The following GULP1 variants were observed in gnomAD, a reference collection of about 807,000 sequenced individuals.
The protein encoded by GULP1 is PTB domain-containing engulfment adapter protein 1.
A neutral mutation model predicts 40.9 loss-of-function variants in GULP1; 19 were observed. The observed-to-expected ratio is 0.46, with a 90% CI of 0.32 to 0.68. The LOEUF is 0.68. GULP1 is among the 30% of genes least tolerant of loss of function. The pLI, the probability that GULP1 is intolerant of heterozygous loss-of-function variation, is 0.03. For synonymous variants in GULP1, 119 were observed against 117.6 expected (o/e 1.01, Z -0.08); for missense variants, 312 against 362.2 (o/e 0.86, Z 1.12).
At chr2:188,488,238 T>C (rs986255148) in intron 4 of GULP1, among the ~76,000 whole-genome samples, 1 of 152,054 alleles carries the variant, frequency 6.6e-6, no homozygotes, top group Non-Finnish European at 1.5e-5. Flanking sequence ...TATAGCCATA[T>C]AGTTGCTGCA....
chr2:188,536,961 A>G (rs1340631165), intron 6 of GULP1, among the ~76,000 whole-genome samples: 1 of 151,840 alleles, frequency 6.6e-6, no homozygotes, highest in Non-Finnish European at 1.5e-5. Context: ...ATAGGATTGC[A>G]TTATTGATTT....
chr2:188,346,441 A>G (rs1042867223), intron 1 of GULP1, among the ~76,000 whole-genome samples: 1 of 152,154 alleles, frequency 6.6e-6, no homozygotes, highest in African/African-American at 2.4e-5. Context: ...GAAAACAAAC[A>G]AGAAAAGGTT....
intron 7 of GULP1, among the ~76,000 whole-genome samples, chr2:188,547,070 A>G (rs1471979798): frequency 6.6e-6 from 1 of 152,032 alleles, no homozygotes; most frequent in Non-Finnish European, 1.5e-5. Flanking sequence ...TTATTAAAAG[A>G]TAAATCTCCA....
At chr2:188,551,058 T>C (rs564460690) in intron 7 of GULP1, among the ~76,000 whole-genome samples, 1 of 151,796 alleles carries the variant, frequency 6.6e-6, no homozygotes, top group South Asian at 2.1e-4. Flanking sequence ...ACTAATTTTT[T>C]AGTTAATTTG....
chr2:188,351,909 G>T (rs950293119), intron 1 of GULP1, among the ~76,000 whole-genome samples: 1 of 152,038 alleles, frequency 6.6e-6, no homozygotes, highest in East Asian at 1.9e-4. Context: ...TTATGGCTTT[G>T]TTAAATAAAG....
intron 1 of GULP1, among the ~76,000 whole-genome samples, chr2:188,344,345 G>A (rs958701159): frequency 2.0e-5 from 3 of 152,214 alleles, no homozygotes; most frequent in Non-Finnish European, 2.9e-5. Context: ...AGTAGGTGTG[G>A]TTGACACTTC....
Position 188,584,369 on chromosome 2 carries a change from G to C in GULP1, c.714G>C (p.Gln238His). 1 of 1,606,664 alleles carries C rather than the reference G, an allele frequency of 6.2e-7. No individual in the cohort carries two copies. Among genetic ancestry groups the C allele is most frequent in the Non-Finnish European group, 8.5e-7 (1 of 1,173,638 alleles). ...CGATGCCTACTCGCAATGGCACACA[G>C]CCACCTCCAGTACCTAGTAGATCTA... ...QSSMPTRNGT[Q>H]PPPVPSRSTE... Residue 238 changes from glutamine to histidine, a missense_variant, in exon 10 of 12, where the codon CAG (glutamine) becomes CAC (histidine). Gln to His is a conservative substitution (Grantham distance 24). Coordinates refer to ENST00000409830, the MANE Select transcript of GULP1 (RefSeq NM_016315.4).
chr2:188,537,093 T>G (rs1172198190), intron 6 of GULP1, among the ~76,000 whole-genome samples: 2 of 152,086 alleles, frequency 1.3e-5, no homozygotes, highest in African/African-American at 2.4e-5. Flanking sequence ...TGGTGGAATC[T>G]TTAGGATCTT....
intron 7 of GULP1, among the ~76,000 whole-genome samples, chr2:188,568,024 TTTTTC>T (rs748457470): frequency 6.8e-4 from 104 of 152,232 alleles, no homozygotes; most frequent in Non-Finnish European, 1.3e-3. Flanking sequence ...TTTCTTGTCT[TTTTTC>T]TTTTCTTTTG....
chr2:188,455,652 A>G (rs1163894216), intron 2 of GULP1, among the ~76,000 whole-genome samples: 1 of 152,204 alleles, frequency 6.6e-6, no homozygotes, highest in Non-Finnish European at 1.5e-5. Context: ...AAAAAGGACT[A>G]ATACAGTAAA....
At chr2:188,377,191 A>G (rs989071625) in intron 1 of GULP1, among the ~76,000 whole-genome samples, 22 of 152,232 alleles carry the variant, frequency 1.4e-4, no homozygotes, top group African/African-American at 5.3e-4. Context: ...AAAAGAAAGA[A>G]TTTGAGATGA....
At chr2:188,491,814 A>G (rs990329832) in intron 4 of GULP1, among the ~76,000 whole-genome samples, 4 of 152,246 alleles carry the variant, frequency 2.6e-5, no homozygotes, top group African/African-American at 9.6e-5. Context: ...TTTTACATCA[A>G]AATAAAGTCA....
intron 2 of GULP1, among the ~76,000 whole-genome samples, chr2:188,406,874 C>T (rs1468523213): frequency 2.0e-5 from 3 of 151,828 alleles, no homozygotes; most frequent in Admixed American, 2.0e-4. Flanking sequence ...CTTTCTAAGC[C>T]TGGTGAGAAA....
chr2:188,364,351 A>G (rs1167584501), intron 1 of GULP1, among the ~76,000 whole-genome samples: 1 of 152,144 alleles, frequency 6.6e-6, no homozygotes, highest in African/African-American at 2.4e-5. Flanking sequence ...TCACAGTGGA[A>G]AGTGAAGATT....
chr2:188,394,372 C>T (rs1367022520), intron 2 of GULP1, among the ~76,000 whole-genome samples: 1 of 152,004 alleles, frequency 6.6e-6, no homozygotes, highest in Non-Finnish European at 1.5e-5. Flanking sequence ...CATTTCCAGA[C>T]TTTCAGGTTG....
chr2:188,367,011 A>C (rs2046891360), intron 1 of GULP1, among the ~76,000 whole-genome samples: 1 of 152,216 alleles, frequency 6.6e-6, no homozygotes, highest in East Asian at 1.9e-4. Flanking sequence ...ATAGAAGTGC[A>C]CATATTTTTA....
chr2:188,392,513 T>G (rs1217299014), intron 2 of GULP1, among the ~76,000 whole-genome samples: 1 of 152,054 alleles, frequency 6.6e-6, no homozygotes, highest in Non-Finnish European at 1.5e-5. Flanking sequence ...TAGCTAATGG[T>G]CTATCTAGTT....
At chr2:188,303,277 G>A (rs1346481892) in intron 1 of GULP1, among the ~76,000 whole-genome samples, 1 of 152,116 alleles carries the variant, frequency 6.6e-6, no homozygotes, top group African/African-American at 2.4e-5. Flanking sequence ...ACCCAAATCT[G>A]AGAATTGACA....
intron 1 of GULP1, among the ~76,000 whole-genome samples, chr2:188,323,016 C>G (rs1161431804): frequency 1.3e-5 from 2 of 152,128 alleles, no homozygotes; most frequent in Non-Finnish European, 2.9e-5. Flanking sequence ...TTGATACAAA[C>G]TGGACAATCA....
Sources: allele counts gnomAD v4.1 joint callset (sites outside exome capture counted in the v4.1 genomes callset), GRCh38; gene constraint gnomAD v4.1.1; transcripts MANE v1.5; gene names NCBI Gene and HGNC (gene_info 2026-07-23, HGNC 2026-07-21).